The following DOCK10 variants were observed in gnomAD, a reference collection of about 807,000 sequenced individuals.
DOCK10 encodes dedicator of cytokinesis 10.
Under a neutral mutation model 280.1 loss-of-function variants are expected in DOCK10, and 145 were observed. The observed-to-expected ratio is 0.52, with a 90% confidence interval of 0.45 to 0.59. DOCK10 has a LOEUF of 0.59. DOCK10 is among the 20% of genes least tolerant of loss of function. The pLI is 0.00. For synonymous variants in DOCK10, 915 were observed against 942.2 expected (o/e 0.97, Z 0.53); for missense variants, 2,368 against 2,651.7 (o/e 0.89, Z 2.35).
intron 42 of DOCK10, among the ~76,000 whole-genome samples, chr2:224,797,353 T>C (rs1368219882): frequency 6.6e-6 from 1 of 152,014 alleles, no homozygotes; most frequent in African/African-American, 2.4e-5. Flanking sequence ...AGAATTATTC[T>C]CTACATTGTA....
At chr2:224,811,648 G>C (rs1481791334) in intron 31 of DOCK10, among the ~76,000 whole-genome samples, 10 of 151,216 alleles carry the variant, frequency 6.6e-5, no homozygotes, top group Non-Finnish European at 7.4e-5. Flanking sequence ...AATCCATCTT[G>C]AATTGATTTT....
chr2:224,857,503 C>T (rs777473137), intron 14 of DOCK10, among the ~76,000 whole-genome samples: 8 of 152,156 alleles, frequency 5.3e-5, no homozygotes, highest in South Asian at 2.1e-4. Context: ...AAAGATAATA[C>T]GGAAGGCACC....
chr2:224,911,427 C>T (rs1701005647), intron 3 of DOCK10, among the ~76,000 whole-genome samples: 1 of 152,184 alleles, frequency 6.6e-6, no homozygotes, highest in African/African-American at 2.4e-5. Flanking sequence ...TAGAATAGTC[C>T]TTTGAAGTCT....
intron 22 of DOCK10, among the ~76,000 whole-genome samples, 159 bp from the exon 23 acceptor site, chr2:224,842,055 T>A (rs1178344810): frequency 6.6e-6 from 1 of 152,208 alleles, no homozygotes; most frequent in East Asian, 1.9e-4. Flanking sequence ...GATGTGGACA[T>A]TTCTGGCCTA....
At chr2:224,818,248 T>C (rs920003242) in intron 29 of DOCK10, among the ~76,000 whole-genome samples, 1 of 152,024 alleles carries the variant, frequency 6.6e-6, no homozygotes, top group Non-Finnish European at 1.5e-5. Flanking sequence ...TGTAATGGAG[T>C]AGGATATATA....
chr2:224,844,138 T>C (rs1193510924), intron 22 of DOCK10, among the ~76,000 whole-genome samples: 2 of 152,130 alleles, frequency 1.3e-5, no homozygotes, highest in Non-Finnish European at 2.9e-5. Context: ...ATTTTTTTAT[T>C]ATTATTTTTG....
intron 4 of DOCK10, among the ~76,000 whole-genome samples, chr2:224,894,917 A>G (rs1043610754): frequency 6.6e-6 from 1 of 152,176 alleles, no homozygotes; most frequent in Non-Finnish European, 1.5e-5. Context: ...AAATTTCCAA[A>G]GGCTTTTGTT....
chr2:225,015,953 AC>A (rs1319493252), intron 1 of DOCK10, among the ~76,000 whole-genome samples: 11 of 152,146 alleles, frequency 7.2e-5, no homozygotes, highest in Non-Finnish European at 1.3e-4. Flanking sequence ...CTAAAATAAG[AC>A]CATTTTAGCT....
At chr2:224,869,222 C>T (rs1221032439) in intron 11 of DOCK10, among the ~76,000 whole-genome samples, 3 of 152,140 alleles carry the variant, frequency 2.0e-5, no homozygotes, top group African/African-American at 7.2e-5. Flanking sequence ...GAGTCAATTT[C>T]TATTTTCAAA....
intron 1 of DOCK10, among the ~76,000 whole-genome samples, chr2:225,034,092 T>C (rs936828876): frequency 1.3e-5 from 2 of 152,230 alleles, no homozygotes; most frequent in Non-Finnish European, 2.9e-5. Context: ...GTCAAGAAAC[T>C]CTTTTTTAGA....
At chr2:225,030,844 A>C (rs576766898) in intron 1 of DOCK10, among the ~76,000 whole-genome samples, 2 of 152,266 alleles carry the variant, frequency 1.3e-5, no homozygotes, top group East Asian at 1.9e-4. Flanking sequence ...CAATTTGTAC[A>C]ATTTGTATAA....
chr2:224,844,644 G>A (rs996980369), intron 22 of DOCK10, 109 bp downstream of exon 22: 15 of 736,426 alleles, frequency 2.0e-5, no homozygotes, highest in Non-Finnish European at 3.3e-5. Flanking sequence ...TCAAACACCT[G>A]CCTTTCTGAC....
At chr2:225,008,843 G>A (rs779998043) in intron 1 of DOCK10, among the ~76,000 whole-genome samples, 5 of 152,158 alleles carry the variant, frequency 3.3e-5, no homozygotes, top group African/African-American at 7.2e-5. Context: ...AGGTTACTAT[G>A]TGTCGACACA....
intron 7 of DOCK10, among the ~76,000 whole-genome samples, chr2:224,882,421 T>G (rs192607922): frequency 0.01 from 1,544 of 151,940 alleles, 11 homozygotes; most frequent in Non-Finnish European, 0.013. Context: ...TTGTTTTGTG[T>G]TTTTTTTGGC....
At position 225,003,570 on chromosome 2, in the gene DOCK10, C is replaced by T. The variant is rs567911795; in HGVS notation, c.123+38682G>A. Among the ~76,000 whole-genome samples the T allele has an allele frequency of 2.6e-4, 40 of 152,254 alleles. No homozygotes were observed. The South Asian group carries it at 4.6e-3, about 17-fold the overall frequency. On this transcript the variant is annotated intron_variant, in intron 1 of 55. Transcript: ENST00000258390. ...TTGACTTCATGTTTGACTGAATGAA[C>T]CTTTTGTTCAAAAAAGGCAAATCTA...
chr2:224,892,560 T>G (rs1234102967), intron 4 of DOCK10, among the ~76,000 whole-genome samples: 1 of 151,984 alleles, frequency 6.6e-6, no homozygotes, highest in African/African-American at 2.4e-5. Flanking sequence ...AGGTAACATT[T>G]AAATTGAGGA....
chr2:224,794,844 T>C (rs1559418944), intron 45 of DOCK10, 35 bp downstream of exon 45: 1 of 1,603,624 alleles, frequency 6.2e-7, no homozygotes, highest in Non-Finnish European at 8.5e-7. Flanking sequence ...AAGAGGACAA[T>C]ACTGATGGTA....
intron 11 of DOCK10, among the ~76,000 whole-genome samples, chr2:224,866,959 C>T (rs888118946): frequency 6.6e-6 from 1 of 151,960 alleles, no homozygotes; most frequent in Admixed American, 6.6e-5. Context: ...CTCCAAGGAG[C>T]CCTGGTTCCT....
At chr2:224,834,865 C>T (rs1224478281) in intron 25 of DOCK10, among the ~76,000 whole-genome samples, 2 of 152,168 alleles carry the variant, frequency 1.3e-5, no homozygotes, top group African/African-American at 4.8e-5. Flanking sequence ...AGTATTTCTT[C>T]ATCTCTTAAG....
Sources: allele counts gnomAD v4.1 joint callset (sites outside exome capture counted in the v4.1 genomes callset), GRCh38; gene constraint gnomAD v4.1.1; transcripts MANE v1.5; gene names NCBI Gene and HGNC (gene_info 2026-07-23, HGNC 2026-07-21).